The following ADAMTS12 variants were observed in gnomAD, a reference collection of about 807,000 sequenced individuals.
ADAMTS12 encodes the protein A disintegrin and metalloproteinase with thrombospondin motifs 12.
Under a neutral mutation model 167.8 loss-of-function variants are expected in ADAMTS12, and 118 were observed. The ratio of observed to expected loss-of-function variants is 0.70; its 90% CI spans 0.61 to 0.82. The LOEUF is 0.82. Ranked by LOEUF, ADAMTS12 falls within the 40% of genes least tolerant of loss-of-function variation. ADAMTS12 has a pLI of 0.00. For synonymous variants in ADAMTS12, 704 were observed against 716.9 expected (o/e 0.98, Z 0.29); for missense variants, 1,916 against 1,998.8 (o/e 0.96, Z 0.79).
At chr5:33,649,114 C>G (rs559206415) in intron 8 of ADAMTS12, 148 bp from the exon 9 acceptor site, 1 of 888,636 alleles carries the variant, frequency 1.1e-6, no homozygotes, top group Non-Finnish European at 1.7e-6. Context: ...CTAGGCCCAT[C>G]ATGGGAGTTA....
At chr5:33,781,254 T>C (rs1475814458) in intron 2 of ADAMTS12, among the ~76,000 whole-genome samples, 1 of 150,146 alleles carries the variant, frequency 6.7e-6, no homozygotes, top group Admixed American at 6.6e-5. Context: ...TGCATGTGTG[T>C]GTGTGTATAT....
rs1337987855 is a variant in ADAMTS12 at position 33,524,439 on chromosome 5, T to G, written c.*2749A>C. On this transcript the variant is annotated 3_prime_UTR_variant, in exon 24 of 24. Coordinates refer to ENST00000504830, the MANE Select transcript of ADAMTS12 (RefSeq NM_030955.4). ...CCAGGCCCTGCGATGGCCCTCTCTATTTCATAGAGATATGTATCCAGTGTC... is the reference window on the plus strand; with the variant it reads ...CCAGGCCCTGCGATGGCCCTCTCTAGTTCATAGAGATATGTATCCAGTGTC... 6.6e-6 allele frequency: 1 copy of G among 152,224 alleles called. No individual in the cohort carries two copies. The highest frequency in any genetic ancestry group is 1.9e-4 in the East Asian group (1 of 5,204). The allele number at this position is 152,224 out of a possible 1,614,324, so 9.4% of individuals were successfully genotyped here.
chr5:33,697,577 C>CT (rs5867205), intron 3 of ADAMTS12, among the ~76,000 whole-genome samples: 122,671 of 151,562 alleles, frequency 0.81, 49,720 homozygotes, highest in South Asian at 0.89. Context: ...CCTTTTTCTC[C>CT]TTTTCTTCCT....
chr5:33,874,300 T>C (rs1444955277), intron 2 of ADAMTS12, among the ~76,000 whole-genome samples: 1 of 152,198 alleles, frequency 6.6e-6, no homozygotes, highest in African/African-American at 2.4e-5. Context: ...AAGATATACA[T>C]ATGACAAGCA....
chr5:33,663,232 C>A (rs1210249763), intron 5 of ADAMTS12, among the ~76,000 whole-genome samples: 1 of 152,198 alleles, frequency 6.6e-6, no homozygotes, highest in Non-Finnish European at 1.5e-5. Context: ...TTCATTGTTA[C>A]ATCACCCAGC....
intron 2 of ADAMTS12, among the ~76,000 whole-genome samples, chr5:33,755,720 G>A (rs1745144188): frequency 6.6e-6 from 1 of 152,208 alleles, no homozygotes; most frequent in Non-Finnish European, 1.5e-5. Context: ...AAAGACACAT[G>A]AAGGCACCCC....
intron 19 of ADAMTS12, among the ~76,000 whole-genome samples, chr5:33,564,403 G>T (rs778475212): frequency 1.1e-4 from 16 of 152,190 alleles, no homozygotes; most frequent in South Asian, 2.1e-4. Context: ...GCTTGATTAT[G>T]TAAGCCTAGG....
At chr5:33,605,988 C>T (rs924165067) in intron 16 of ADAMTS12, among the ~76,000 whole-genome samples, 4 of 152,068 alleles carry the variant, frequency 2.6e-5, no homozygotes, top group African/African-American at 9.7e-5. Context: ...CACTCTGTTG[C>T]CCAGCCTGGA....
At chr5:33,816,267 C>G (rs573376575) in intron 2 of ADAMTS12, among the ~76,000 whole-genome samples, 1 of 152,224 alleles carries the variant, frequency 6.6e-6, no homozygotes, top group Admixed American at 6.5e-5. Flanking sequence ...ATAATTAAAT[C>G]AAGCCAGTGA....
At position 33,576,783 on chromosome 5, in the gene ADAMTS12, G is replaced by A. The variant is rs377371811; in HGVS notation, c.3243C>T (p.Leu1081=). ...GCTGGGAAGTGCTTCCAGTGGAAATGAGATAGCGAGAGCTCAGCTCAGGTT... is the reference window on the plus strand; with the variant it reads ...GCTGGGAAGTGCTTCCAGTGGAAATAAGATAGCGAGAGCTCAGCTCAGGTT... ...STQPELSSRY[L]ISTGSTSQPI... The change falls in exon 19 of 24, where the codon CTC becomes CTT. Residue 1081 remains leucine (L), a synonymous_variant. Coordinates refer to ENST00000504830, the MANE Select transcript of ADAMTS12 (RefSeq NM_030955.4). The A allele has an allele frequency of 6.8e-6, 11 of 1,614,118 alleles. No homozygotes were observed. In the African/African-American group the frequency reaches 9.3e-5, roughly 14 times the overall value.
intron 2 of ADAMTS12, among the ~76,000 whole-genome samples, chr5:33,833,865 A>C (rs1748404347): frequency 1.3e-5 from 2 of 152,198 alleles, no homozygotes; most frequent in African/African-American, 4.8e-5. Flanking sequence ...GATGTAAATT[A>C]TTAACTACAT....
In ADAMTS12 at chr5:33,767,343, C is replaced by A. The variant is rs1015980815; in HGVS notation, c.490-15795G>T. On this transcript the variant is annotated intron_variant, in intron 2 of 23. Transcript: ENST00000504830. The stretch of plus-strand genomic sequence containing the variant: ...AACTTGCCACATCAGATATATATTT[C>A]TTTTATACTAAAAATAAAGTTATTT... Among the ~76,000 whole-genome samples, 4 of 152,074 alleles carry A rather than the reference C, an allele frequency of 2.6e-5. 1 individual carries two copies.
intron 2 of ADAMTS12, among the ~76,000 whole-genome samples, chr5:33,861,931 G>A (rs1169629721): frequency 2.0e-5 from 3 of 152,118 alleles, no homozygotes; most frequent in African/African-American, 7.2e-5. Flanking sequence ...AATGACTAAT[G>A]GGTAAATAAC....
chr5:33,862,771 G>C (rs937015568), intron 2 of ADAMTS12, among the ~76,000 whole-genome samples: 1 of 152,138 alleles, frequency 6.6e-6, no homozygotes, highest in Admixed American at 6.6e-5. Context: ...TATCCCTGAT[G>C]AACATCAAGG....
chr5:33,672,259 T>A (rs578218802), intron 5 of ADAMTS12, among the ~76,000 whole-genome samples: 2 of 125,664 alleles, frequency 1.6e-5, no homozygotes, highest in East Asian at 4.8e-4. Context: ...CATACTCACA[T>A]ACACAGCCCC....
chr5:33,802,392 G>A (rs116344241), intron 2 of ADAMTS12, among the ~76,000 whole-genome samples: 2,236 of 152,278 alleles, frequency 0.015, 65 homozygotes, highest in African/African-American at 0.052. Flanking sequence ...TCACAGGCAG[G>A]TAGCATTTGT....
At chr5:33,604,187 G>A (rs1024039824) in intron 16 of ADAMTS12, among the ~76,000 whole-genome samples, 7 of 152,200 alleles carry the variant, frequency 4.6e-5, no homozygotes, top group South Asian at 4.2e-4. Flanking sequence ...TTCAACACTC[G>A]TTTATAATGA....
chr5:33,600,911 C>T (rs750958096), intron 16 of ADAMTS12, among the ~76,000 whole-genome samples: 1 of 152,168 alleles, frequency 6.6e-6, no homozygotes, highest in Non-Finnish European at 1.5e-5. Context: ...ATCCGTCCGT[C>T]TCTCTTGTCA....
intron 19 of ADAMTS12, among the ~76,000 whole-genome samples, chr5:33,562,923 C>G (rs566176994): frequency 2.0e-5 from 3 of 152,024 alleles, no homozygotes; most frequent in Non-Finnish European, 4.4e-5. Context: ...TGAGTCACCA[C>G]GCCTGGCCTT....
Sources: allele counts gnomAD v4.1 joint callset (sites outside exome capture counted in the v4.1 genomes callset), GRCh38; gene constraint gnomAD v4.1.1; transcripts MANE v1.5; gene names NCBI Gene and HGNC (gene_info 2026-07-23, HGNC 2026-07-21).